Variants in ABCA8 observed in about 807,000 individuals in gnomAD.
The protein encoded by ABCA8 is ATP binding cassette subfamily A member 8, also known as ABC-type organic anion transporter ABCA8.
A neutral mutation model predicts 192.3 loss-of-function variants in ABCA8; 177 were observed. The observed-to-expected ratio is 0.92, with a 90% CI of 0.81 to 1.04. The LOEUF is 1.04. Among genes scored for constraint, ABCA8 ranks in the 50% least tolerant of loss-of-function variants. The pLI, the probability that ABCA8 is intolerant of heterozygous loss-of-function variation, is 0.00. For synonymous variants in ABCA8, 642 were observed against 690.2 expected, an observed-to-expected ratio of 0.93 and a Z score of 1.09; for missense variants, 1,915 against 1,904.8, an observed-to-expected ratio of 1.01 and a Z score of -0.10.
chr17:68,873,632 T>C (rs1157811233), intron 37 of ABCA8, among the ~76,000 whole-genome samples: 1 of 152,236 alleles, frequency 6.6e-6, no homozygotes, highest in Non-Finnish European at 1.5e-5. Flanking sequence ...CCAAGACCAA[T>C]GTCATGAAGC....
In ABCA8 at chr17:68,918,578, C is replaced by T. The variant is rs767297489; in HGVS notation, c.1789-32G>A. ...AAAAGACAGTATTTATGTCATACAC[C>T]AAAATTTATTCCTTTTTTAAAAATT... On this transcript the variant is annotated intron_variant, in intron 14 of 39. Transcript: ENST00000586539. 3.0e-5 allele frequency: 43 copies of T among 1,448,130 alleles called. No homozygotes were observed. In the African/African-American group the frequency reaches 5.2e-4, roughly 17 times the overall value. 89.7% of individuals were successfully genotyped at this position (1,448,130 alleles called of 1,614,324 possible). A position where few individuals can be genotyped will look rare whatever the true frequency, so the allele number is the denominator to read the frequency against.
intron 32 of ABCA8, chr17:68,879,930 AG>A (rs2066291265): frequency 6.6e-6 from 1 of 152,222 alleles, no homozygotes; most frequent in Admixed American, 6.5e-5. Context: ...TGGGTGCCAT[AG>A]ATGGCATGTT....
rs769256872 is a variant in ABCA8 at position 68,875,730 on chromosome 17, C to T, written c.4374G>A (p.Gln1458=). The T allele has an allele frequency of 2.5e-6, 4 of 1,612,998 alleles. No individual in the cohort carries two copies. The East Asian group carries it at 6.7e-5, about 27-fold the overall frequency. The change falls in exon 36 of 40, where the codon CAG becomes CAA. Residue 1458 remains glutamine, a synonymous_variant. Coordinates refer to ENST00000586539, the MANE Select transcript of ABCA8 (RefSeq NM_001288985.2). ...MDPEGQQQMW[Q]AIRATFRNTE... ...TGTTTCTAAAGGTGGCCCGGATGGC[C>T]TGCCTATAATGTCAAGAGATTATTT...
intron 33 of ABCA8, 111 bp from the exon 34 acceptor site, chr17:68,876,814 A>C: frequency 7.7e-7 from 1 of 1,301,578 alleles, no homozygotes; most frequent in Non-Finnish European, 1.1e-6. Context: ...CTGGAAATAC[A>C]TGTGGTCGGG....
At chr17:68,951,624 C>T (rs1483528856) in intron 1 of ABCA8, among the ~76,000 whole-genome samples, 1 of 152,182 alleles carries the variant, frequency 6.6e-6, no homozygotes, top group Admixed American at 6.5e-5. Flanking sequence ...TGTTAGTTTT[C>T]AGCAAGTGCA....
chr17:68,909,166 T>C (rs1308782308), intron 17 of ABCA8, among the ~76,000 whole-genome samples: 1 of 152,186 alleles, frequency 6.6e-6, no homozygotes, highest in Non-Finnish European at 1.5e-5. Flanking sequence ...GCGGAATGAA[T>C]GAGTCATGCA....
At chr17:68,908,793 T>C (rs1484820315) in intron 17 of ABCA8, among the ~76,000 whole-genome samples, 2 of 152,246 alleles carry the variant, frequency 1.3e-5, no homozygotes, top group Non-Finnish European at 2.9e-5. Context: ...AATATTGTTT[T>C]AGCATCTGGA....
chr17:68,903,548 A>ATT (rs1301001504), intron 19 of ABCA8, 49 bp from the exon 20 acceptor site: 1 of 1,571,134 alleles, frequency 6.4e-7, no homozygotes, highest in South Asian at 1.1e-5. Flanking sequence ...TGAGCTTACT[A>ATT]TAGAGATTGG....
At chr17:68,935,539 CCTAT>C (rs1003526894) in intron 5 of ABCA8, among the ~76,000 whole-genome samples, 1 of 41,820 alleles carries the variant, frequency 2.4e-5, no homozygotes, top group African/African-American at 1.0e-4. Flanking sequence ...GAGTAGTATT[CCTAT>C]ATATATATAT....
At chr17:68,900,079 C>T (rs745788478) in intron 21 of ABCA8, among the ~76,000 whole-genome samples, 23 of 151,878 alleles carry the variant, frequency 1.5e-4, no homozygotes, top group Middle Eastern at 3.2e-3. Context: ...ACAAGGCAAA[C>T]AGAAAGAAAT....
chr17:68,902,187 C>T (rs760143095), intron 21 of ABCA8, among the ~76,000 whole-genome samples: 13 of 152,172 alleles, frequency 8.5e-5, no homozygotes, highest in Non-Finnish European at 1.6e-4. Context: ...AGAAGTCAGT[C>T]ACCAAATACC....
At chr17:68,943,172 T>C (rs940691574) in intron 2 of ABCA8, among the ~76,000 whole-genome samples, 15 of 152,138 alleles carry the variant, frequency 9.9e-5, no homozygotes, top group Non-Finnish European at 1.3e-4. Context: ...AATCTTAATA[T>C]AGGATAATCA....
chr17:68,917,166 G>A (rs2067392388), intron 17 of ABCA8, among the ~76,000 whole-genome samples, 195 bp downstream of exon 17: 1 of 152,184 alleles, frequency 6.6e-6, no homozygotes, highest in Admixed American at 6.5e-5. Context: ...AGCTACTCGG[G>A]AGGCTGAGGC....
At chr17:68,897,701 G>T (rs2066801144) in intron 21 of ABCA8, among the ~76,000 whole-genome samples, 1 of 152,126 alleles carries the variant, frequency 6.6e-6, no homozygotes, top group African/African-American at 2.4e-5. Flanking sequence ...GGAGTTGAAA[G>T]TACAATAATT....
chr17:68,903,213 TTG>T, intron 20 of ABCA8, 86 bp downstream of exon 20: 2 of 1,361,464 alleles, frequency 1.5e-6, no homozygotes, highest in Non-Finnish European at 2.0e-6. Flanking sequence ...CATCATATCT[TTG>T]TGTTTTTTTG....
chr17:68,876,291 A>G, intron 35 of ABCA8, 169 bp downstream of exon 35: 3 of 741,616 alleles, frequency 4.0e-6, no homozygotes, highest in Non-Finnish European at 6.5e-6. Context: ...GTAAAATATC[A>G]TCAGGGAAAG....
chr17:68,941,230 CTAA>C (rs556063801), intron 3 of ABCA8, among the ~76,000 whole-genome samples: 204 of 152,164 alleles, frequency 1.3e-3, no homozygotes, highest in African/African-American at 4.6e-3. Context: ...TCTGATAATT[CTAA>C]TAATAAGATA....
intron 17 of ABCA8, among the ~76,000 whole-genome samples, chr17:68,910,412 C>A (rs945325305): frequency 6.6e-6 from 1 of 152,072 alleles, no homozygotes; most frequent in Non-Finnish European, 1.5e-5. Context: ...CGGCCACTGC[C>A]CACAGAGGGA....
chr17:68,881,252 G>C (rs755889215), intron 31 of ABCA8, 41 bp from the exon 32 acceptor site: 1 of 1,323,110 alleles, frequency 7.6e-7, no homozygotes, highest in South Asian at 1.2e-5. Context: ...TATTTTAATG[G>C]TAACATTAAG....
Sources: gnomAD v4.1 joint callset for allele counts (sites outside exome capture counted in the v4.1 genomes callset) on GRCh38, gnomAD v4.1.1 for gene constraint, MANE v1.5 for transcripts, NCBI Gene and HGNC (gene_info 2026-07-23, HGNC 2026-07-21) for gene names.